Variants in EPB41L4A observed in about 807,000 individuals in gnomAD.
The protein encoded by EPB41L4A is band 4.1-like protein 4A.
Under a neutral mutation model 108.6 loss-of-function variants are expected in EPB41L4A, and 100 were observed. The ratio of observed to expected loss-of-function variants is 0.92; its 90% confidence interval spans 0.78 to 1.09. The LOEUF (loss-of-function observed/expected upper bound fraction) is 1.09. EPB41L4A is among the 50% of genes least tolerant of loss of function. EPB41L4A has a pLI of 0.00. For synonymous variants in EPB41L4A, 319 were observed against 289.0 expected, an observed-to-expected ratio of 1.10 and a Z score of -1.05; for missense variants, 1,030 against 842.7, an observed-to-expected ratio of 1.22 and a Z score of -2.75.
At chr5:112,290,552 A>G (rs1285235172) in intron 2 of EPB41L4A, among the ~76,000 whole-genome samples, 2 of 152,194 alleles carry the variant, frequency 1.3e-5, no homozygotes, top group African/African-American at 4.8e-5. Context: ...GCTGCTTAAG[A>G]AACCTTAGAT....
In EPB41L4A at chr5:112,162,663, C is replaced by T. The variant is rs1307489423; in HGVS notation, c.*2327G>A. On this transcript the variant is annotated 3_prime_UTR_variant, in exon 23 of 23. Transcript: ENST00000261486. Reference sequence around the variant, plus strand: ...TTTATTGAAAGCACTGTACTAGGAGCTGAGAACACGATGATGAGCACAACA... The same window carrying T: ...TTTATTGAAAGCACTGTACTAGGAGTTGAGAACACGATGATGAGCACAACA... 1 of 152,180 alleles carries T rather than the reference C, an allele frequency of 6.6e-6. No homozygotes were observed. Among genetic ancestry groups the T allele is most frequent in the African/African-American group, 2.4e-5 (1 of 41,426 alleles). The allele number at this position is 152,180 out of a possible 1,614,324, so 9.4% of individuals were successfully genotyped here.
At chr5:112,171,307 C>CT (rs1192559974) in intron 18 of EPB41L4A, among the ~76,000 whole-genome samples, 1 of 152,228 alleles carries the variant, frequency 6.6e-6, no homozygotes, top group Non-Finnish European at 1.5e-5. Context: ...TTCAGGGCGT[C>CT]TGTTTCTGAT....
intron 1 of EPB41L4A, among the ~76,000 whole-genome samples, chr5:112,311,070 G>C (rs1327773820): frequency 1.2e-4 from 18 of 152,072 alleles, no homozygotes; most frequent in Non-Finnish European, 5.9e-5. Context: ...GGAATGCAGT[G>C]GTGTGATCTT....
chr5:112,328,592 G>C (rs531390383), intron 1 of EPB41L4A, among the ~76,000 whole-genome samples: 7 of 152,280 alleles, frequency 4.6e-5, no homozygotes, highest in African/African-American at 1.7e-4. Flanking sequence ...CATTTCTCCT[G>C]ACAGCTCACT....
chr5:112,394,749 T>A (rs1761212352), intron 1 of EPB41L4A, among the ~76,000 whole-genome samples: 1 of 152,174 alleles, frequency 6.6e-6, no homozygotes, highest in Admixed American at 6.6e-5. Context: ...ACTTTAAAGT[T>A]CATATGGAAC....
At chr5:112,193,176 A>G (rs1178221947) in intron 17 of EPB41L4A, among the ~76,000 whole-genome samples, 1 of 152,226 alleles carries the variant, frequency 6.6e-6, no homozygotes, top group Non-Finnish European at 1.5e-5. Flanking sequence ...CTGGGCTATT[A>G]TTACACAGGC....
chr5:112,197,484 C>T lies in EPB41L4A; in HGVS notation c.1377-1776G>A, dbSNP rs561814264. Among the ~76,000 whole-genome samples the T allele has an allele frequency of 2.7e-4, 41 of 152,300 alleles. 1 individual carries two copies. Among genetic ancestry groups the T allele is most frequent in the South Asian group, 1.5e-3 (7 of 4,818 alleles). ...CAATTATACCGAAATTGGTCACAGACGATCTAAATAGTGTTCCAGGAATAT... is the reference window on the plus strand; with the variant it reads ...CAATTATACCGAAATTGGTCACAGATGATCTAAATAGTGTTCCAGGAATAT... On this transcript the variant is annotated intron_variant, in intron 15 of 22. Transcript: ENST00000261486.
At chr5:112,242,709 A>T (rs888543349) in intron 9 of EPB41L4A, among the ~76,000 whole-genome samples, 10 of 152,224 alleles carry the variant, frequency 6.6e-5, no homozygotes, top group African/African-American at 2.4e-4. Context: ...GTTTGTAGAA[A>T]GTATTTCTTA....
intron 2 of EPB41L4A, among the ~76,000 whole-genome samples, chr5:112,289,719 C>T (rs1361043954): frequency 6.6e-6 from 1 of 152,232 alleles, no homozygotes; most frequent in Non-Finnish European, 1.5e-5. Flanking sequence ...ACACACATGA[C>T]TGAGACTTCA....
intron 18 of EPB41L4A, among the ~76,000 whole-genome samples, chr5:112,177,090 T>C (rs1760906724): frequency 6.6e-6 from 1 of 152,072 alleles, no homozygotes; most frequent in African/African-American, 2.4e-5. Context: ...CACACAAATA[T>C]ATATATATAA....
At chr5:112,274,612 T>C (rs1481054849) in intron 4 of EPB41L4A, among the ~76,000 whole-genome samples, 2 of 152,234 alleles carry the variant, frequency 1.3e-5, no homozygotes, top group African/African-American at 4.8e-5. Flanking sequence ...ATGGGTTCAC[T>C]GGGAAAACTG....
chr5:112,343,107 G>A (rs995495823), intron 1 of EPB41L4A, among the ~76,000 whole-genome samples: 1 of 152,120 alleles, frequency 6.6e-6, no homozygotes, highest in Admixed American at 6.5e-5. Flanking sequence ...TTTACAGAGA[G>A]GTATACACTT....
intron 4 of EPB41L4A, among the ~76,000 whole-genome samples, chr5:112,274,042 A>G (rs1752449202): frequency 6.6e-6 from 1 of 152,026 alleles, no homozygotes. Context: ...TAATCCCAGC[A>G]CTCTGGGAGG....
intron 1 of EPB41L4A, among the ~76,000 whole-genome samples, chr5:112,358,583 T>C (rs1203861480): frequency 6.6e-6 from 1 of 152,228 alleles, no homozygotes; most frequent in Non-Finnish European, 1.5e-5. Context: ...GCAGAGCAAC[T>C]AGAATTCTCA....
chr5:112,144,053 T>C (rs62372418), intron 13 of EPB41L4A, among the ~76,000 whole-genome samples: 121,494 of 152,102 alleles, frequency 0.8, 49,207 homozygotes, highest in East Asian at 1. Flanking sequence ...ATAAACTGCC[T>C]TCAGAAACAG....
At chr5:112,206,591 T>C (rs542160945) in intron 13 of EPB41L4A, among the ~76,000 whole-genome samples, 4 of 152,068 alleles carry the variant, frequency 2.6e-5, no homozygotes, top group African/African-American at 4.8e-5. Flanking sequence ...TTTAATACGA[T>C]AGTAGAAAGT....
At chr5:112,354,013 A>G (rs1247426148) in intron 1 of EPB41L4A, among the ~76,000 whole-genome samples, 2 of 152,304 alleles carry the variant, frequency 1.3e-5, no homozygotes, top group Middle Eastern at 3.4e-3. Flanking sequence ...TGAAAACCAT[A>G]TATGTAGTAA....
intron 1 of EPB41L4A, among the ~76,000 whole-genome samples, chr5:112,371,445 A>C (rs904108053): frequency 6.6e-6 from 1 of 152,208 alleles, no homozygotes; most frequent in Non-Finnish European, 1.5e-5. Context: ...GCTGCAGTGC[A>C]GTACTTAAGA....
intron 9 of EPB41L4A, among the ~76,000 whole-genome samples, chr5:112,251,820 A>G (rs1750695078): frequency 6.6e-6 from 1 of 152,228 alleles, no homozygotes; most frequent in Non-Finnish European, 1.5e-5. Context: ...AGTAGATTTC[A>G]AACGAATACA....
Sources: gnomAD v4.1 joint callset for allele counts (sites outside exome capture counted in the v4.1 genomes callset) on GRCh38, gnomAD v4.1.1 for gene constraint, MANE v1.5 for transcripts, NCBI Gene and HGNC (gene_info 2026-07-23, HGNC 2026-07-21) for gene names.